ERC2: variants seen among roughly 807,000 people sequenced by gnomAD.
ERC2 encodes the protein ELKS/RAB6-interacting/CAST family member 2, also known as ERC protein 2.
A neutral mutation model predicts 114.8 loss-of-function variants in ERC2; 42 were observed. That is an observed-to-expected ratio of 0.37 (90% CI 0.29 to 0.47). ERC2 has a LOEUF of 0.47. Among genes scored for constraint, ERC2 ranks in the 20% least tolerant of loss-of-function variants. The pLI is 0.99. For missense variants in ERC2, 939 were observed against 1,150.7 expected, an observed-to-expected ratio of 0.82 and a Z score of 2.66; for synonymous variants, 454 against 425.5, an observed-to-expected ratio of 1.07 and a Z score of -0.82.
chr3:55,854,380 T>G (rs192464161), intron 14 of ERC2, among the ~76,000 whole-genome samples: 84 of 152,114 alleles, frequency 5.5e-4, no homozygotes, highest in Non-Finnish European at 9.3e-4. Context: ...TTTTGTTTTG[T>G]TTTGGTTTTG....
At chr3:56,103,067 G>A (rs1236668633) in intron 6 of ERC2, among the ~76,000 whole-genome samples, 1 of 152,100 alleles carries the variant, frequency 6.6e-6, no homozygotes, top group African/African-American at 2.4e-5. Flanking sequence ...GGGAGGGAGA[G>A]AGTCCTAAGG....
chr3:55,665,742 A>G (rs1010499197), intron 17 of ERC2, among the ~76,000 whole-genome samples: 4 of 152,206 alleles, frequency 2.6e-5, no homozygotes, highest in African/African-American at 9.6e-5. Context: ...AAGACAAATC[A>G]TAAGGTGGGA....
At chr3:56,331,038 T>C (rs2057587549) in intron 2 of ERC2, among the ~76,000 whole-genome samples, 1 of 152,206 alleles carries the variant, frequency 6.6e-6, no homozygotes, top group Admixed American at 6.5e-5. Flanking sequence ...TTGATATTTG[T>C]GCTTCATTCT....
At chr3:56,448,428 A>G (rs1425403569) in intron 1 of ERC2, among the ~76,000 whole-genome samples, 1 of 152,198 alleles carries the variant, frequency 6.6e-6, no homozygotes, top group Non-Finnish European at 1.5e-5. Context: ...TGAGATCTGA[A>G]TTTTGAACTT....
At chr3:56,315,298 TA>T (rs531175484) in intron 2 of ERC2, among the ~76,000 whole-genome samples, 29 of 152,288 alleles carry the variant, frequency 1.9e-4, no homozygotes, top group African/African-American at 7.0e-4. Flanking sequence ...TGTTAAGAAT[TA>T]AGGGGCCACT....
At chr3:56,353,115 A>C (rs1448520119) in intron 2 of ERC2, among the ~76,000 whole-genome samples, 6 of 152,084 alleles carry the variant, frequency 3.9e-5, no homozygotes, top group Admixed American at 3.9e-4. Flanking sequence ...GGGTCCTTAG[A>C]GCCTGTTTCA....
intron 14 of ERC2, among the ~76,000 whole-genome samples, chr3:55,772,332 T>C (rs1230295761): frequency 6.6e-6 from 1 of 151,542 alleles, no homozygotes; most frequent in African/African-American, 2.4e-5. Flanking sequence ...TTTTTTTTTT[T>C]GAGACGGAGT....
intron 14 of ERC2, among the ~76,000 whole-genome samples, chr3:55,825,013 C>A (rs1250862853): frequency 6.6e-6 from 1 of 152,174 alleles, no homozygotes; most frequent in East Asian, 1.9e-4. Context: ...GATTTACCAC[C>A]AAATTGAGGT....
At chr3:55,890,783 T>C (rs989640493) in intron 13 of ERC2, among the ~76,000 whole-genome samples, 2 of 152,176 alleles carry the variant, frequency 1.3e-5, no homozygotes, top group Admixed American at 1.3e-4. Flanking sequence ...AGACAGAGTT[T>C]TAAAATAAGT....
chr3:56,206,298 G>A (rs933632130), intron 3 of ERC2, among the ~76,000 whole-genome samples: 4 of 151,894 alleles, frequency 2.6e-5, no homozygotes, highest in African/African-American at 9.7e-5. Context: ...CAAAGCTTTT[G>A]GGTCTTAGAA....
intron 13 of ERC2, among the ~76,000 whole-genome samples, chr3:55,927,569 C>G (rs1378280864): frequency 6.6e-6 from 1 of 152,184 alleles, no homozygotes; most frequent in Non-Finnish European, 1.5e-5. Flanking sequence ...TCTATCACCT[C>G]AAGCATTTAT....
chr3:55,740,302 A>G (rs968500581), intron 14 of ERC2, among the ~76,000 whole-genome samples: 2 of 152,140 alleles, frequency 1.3e-5, no homozygotes, highest in Non-Finnish European at 2.9e-5. Flanking sequence ...ATATTCATAT[A>G]AAATAATCTA....
intron 14 of ERC2, among the ~76,000 whole-genome samples, chr3:55,856,305 G>A (rs7617166): frequency 3.9e-5 from 6 of 152,150 alleles, no homozygotes; most frequent in African/African-American, 1.4e-4. Context: ...ATTCCACCCA[G>A]AGAAGGGTTT....
intron 11 of ERC2, among the ~76,000 whole-genome samples, chr3:55,989,027 A>T (rs369864341): frequency 9.9e-5 from 15 of 151,942 alleles, no homozygotes; most frequent in African/African-American, 3.6e-4. Flanking sequence ...CTCCACCCCC[A>T]CCTCCTTAGG....
At chr3:55,952,272 A>G (rs1301544204) in intron 12 of ERC2, among the ~76,000 whole-genome samples, 1 of 150,502 alleles carries the variant, frequency 6.6e-6, no homozygotes, top group Non-Finnish European at 1.5e-5. Context: ...CATGATTTAA[A>G]TATTATTGGT....
intron 12 of ERC2, among the ~76,000 whole-genome samples, chr3:55,982,405 C>T (rs1488744782): frequency 1.3e-5 from 2 of 151,676 alleles, no homozygotes; most frequent in Non-Finnish European, 2.9e-5. Flanking sequence ...TTTCCTCTTA[C>T]CTAATATGGA....
chr3:56,111,536 G>A (rs1199263012), intron 6 of ERC2, among the ~76,000 whole-genome samples: 3 of 152,056 alleles, frequency 2.0e-5, no homozygotes, highest in Non-Finnish European at 2.9e-5. Flanking sequence ...ACAGCAGCTG[G>A]TTCAGAAAGA....
intron 13 of ERC2, among the ~76,000 whole-genome samples, chr3:55,947,062 C>A (rs1007230447): frequency 2.0e-5 from 3 of 152,160 alleles, no homozygotes; most frequent in Non-Finnish European, 2.9e-5. Flanking sequence ...TTCACAGGAT[C>A]CCAGAGTGTT....
chr3:55,754,821 A>T (rs1360953611), intron 14 of ERC2, among the ~76,000 whole-genome samples: 3 of 152,038 alleles, frequency 2.0e-5, no homozygotes, highest in Non-Finnish European at 4.4e-5. Context: ...TCTTCACTGA[A>T]ACTGAATTAA....
Sources: gnomAD v4.1 joint callset for allele counts (sites outside exome capture counted in the v4.1 genomes callset) on GRCh38, gnomAD v4.1.1 for gene constraint, MANE v1.5 for transcripts, NCBI Gene and HGNC (gene_info 2026-07-23, HGNC 2026-07-21) for gene names.